LRP3: variants seen among roughly 807,000 people sequenced by gnomAD.
LRP3 encodes low-density lipoprotein receptor-related protein 3.
LRP3 carries 49 observed loss-of-function variants against 58.5 expected under a neutral mutation model. That is an observed-to-expected ratio of 0.84 (90% CI 0.67 to 1.06). LRP3 has a LOEUF of 1.06. Among genes scored for constraint, LRP3 ranks in the 50% least tolerant of loss-of-function variants. LRP3 has a pLI of 0.00. For synonymous variants in LRP3, 485 were observed against 492.2 expected, an observed-to-expected ratio of 0.99 and a Z score of 0.20; for missense variants, 1,019 against 1,134.2, an observed-to-expected ratio of 0.90 and a Z score of 1.46.
At chr19:33,200,078 G>A (rs975272745) in intron 2 of LRP3, among the ~76,000 whole-genome samples, 2 of 152,194 alleles carry the variant, frequency 1.3e-5, no homozygotes, top group Admixed American at 6.5e-5. Flanking sequence ...TCCCAGCCAC[G>A]CTGACTCAGA....
At chr19:33,201,976 C>T (rs574226532) in intron 2 of LRP3, among the ~76,000 whole-genome samples, 18 of 152,286 alleles carry the variant, frequency 1.2e-4, no homozygotes, top group African/African-American at 4.3e-4. Flanking sequence ...GAGCGGTATA[C>T]AGTTGGCACT....
In LRP3 at chr19:33,207,606, C is replaced by T; in HGVS notation, c.*31C>T. The T allele has an allele frequency of 6.7e-7, 1 of 1,483,980 alleles. No homozygotes were observed. The highest frequency in any genetic ancestry group is 9.3e-7 in the Non-Finnish European group (1 of 1,076,678). The allele number at this position is 1,483,980 out of a possible 1,614,324, so 91.9% of individuals were successfully genotyped here. The stretch of plus-strand genomic sequence containing the variant: ...GGGCTCGCTGGTGACCGCCACAGCC[C>T]CGCTTTGTAACCAGGGAATACACAG... On this transcript the variant is annotated 3_prime_UTR_variant, in exon 7 of 7. Transcript: ENST00000253193.
chr19:33,203,335 T>TGC (rs1974363893), intron 3 of LRP3, among the ~76,000 whole-genome samples: 1 of 152,014 alleles, frequency 6.6e-6, no homozygotes, highest in Non-Finnish European at 1.5e-5. Flanking sequence ...TGTGTGTGTG[T>TGC]GCATGTATGT....
intron 1 of LRP3, 91 bp from the exon 2 acceptor site, chr19:33,196,639 C>G: frequency 8.3e-7 from 1 of 1,203,136 alleles, no homozygotes. Context: ...AGCGGGCCAG[C>G]CTTGGGTTTA....
At chr19:33,200,445 G>C (rs1408137591) in intron 2 of LRP3, among the ~76,000 whole-genome samples, 1 of 152,240 alleles carries the variant, frequency 6.6e-6, no homozygotes, top group South Asian at 2.1e-4. Flanking sequence ...TGGTCAGGCT[G>C]ATCTCAAACT....
Position 33,205,483 on chromosome 19 carries a change from A to G in LRP3, c.713A>G (p.Gln238Arg). The G allele has an allele frequency of 6.3e-7, 1 of 1,582,810 alleles. No homozygotes were observed. The change falls in exon 5 of 7, where the codon CAG (glutamine) becomes CGG (arginine). Residue 238 changes from glutamine (Q) to arginine (R), a missense_variant. By Grantham distance (43) the Gln-to-Arg change is conservative. Around this residue, in one of 2 missense-constraint regions of LRP3, gnomAD observed 592 missense variants for 725.5 expected, o/e 0.82. Transcript: ENST00000253193. Reference sequence around the variant, plus strand: ...GTGGAGCGGCGCTGTGACGGCTTGCAGGACTGCGGCGACGGCTCGGATGAG... The same window carrying G: ...GTGGAGCGGCGCTGTGACGGCTTGCGGGACTGCGGCGACGGCTCGGATGAG... ...LPVERRCDGL[Q>R]DCGDGSDEAG...
Position 33,206,310 on chromosome 19 carries a change from A to G in LRP3, c.1540A>G (p.Ile514Val), listed in dbSNP as rs1411360075. ...GSLVCGLLLV[I>V]ALGCAFKLYS... ...CCTGGTGTGTGGCCTGCTGCTGGTC[A>G]TCGCGCTGGGCTGCGCCTTCAAGCT... Residue 514 changes from isoleucine (I) to valine (V), a missense_variant, in exon 5 of 7, where the codon ATC (isoleucine) becomes GTC (valine). Ile to Val is a conservative substitution (Grantham distance 29, BLOSUM62 3). Around this residue, in one of 2 missense-constraint regions of LRP3, gnomAD observed 427 missense variants for 408.6 expected, o/e 1.04. Transcript: ENST00000253193. 2 of 1,598,552 alleles carry G rather than the reference A, an allele frequency of 1.3e-6. No individual in the cohort carries two copies. The highest frequency in any genetic ancestry group is 1.1e-5 in the South Asian group (1 of 90,570).
intron 2 of LRP3, among the ~76,000 whole-genome samples, chr19:33,199,982 C>T (rs917406715): frequency 9.8e-5 from 15 of 152,312 alleles, no homozygotes; most frequent in African/African-American, 3.6e-4. Context: ...GAATGGACAG[C>T]GCCTTGCCCT....
intron 2 of LRP3, among the ~76,000 whole-genome samples, chr19:33,197,240 A>G (rs1292115444): frequency 6.6e-6 from 1 of 152,162 alleles, no homozygotes; most frequent in Non-Finnish European, 1.5e-5. Context: ...ATGCCACGCC[A>G]TGCAGGGCCA....
In LRP3 at chr19:33,207,248, G is replaced by A. The variant is rs533741820; in HGVS notation, c.1986G>A (p.Ala662=). 1.8e-5 allele frequency: 28 copies of A among 1,555,250 alleles called. No individual in the cohort carries two copies. In the African/African-American group the frequency reaches 1.9e-4, roughly 10 times the overall value. ...APLMDTGSTR[A]AGDRPPSAPG... ...TCATGGACACAGGCAGCACCAGGGC[G>A]GCCGGAGACAGGCCCCCCAGTGCCC... is the stretch of plus-strand genomic sequence containing the variant. The change falls in exon 7 of 7, where the codon GCG becomes GCA. Residue 662 remains alanine, a synonymous_variant. Coordinates refer to ENST00000253193, the MANE Select transcript of LRP3 (RefSeq NM_002333.4).
rs768884022 is a variant in LRP3 at position 33,205,296 on chromosome 19, G to A, written c.526G>A (p.Gly176Ser). 6.2e-6 allele frequency: 10 copies of A among 1,611,222 alleles called. No homozygotes were observed. The highest frequency in any genetic ancestry group is 1.7e-5 in the Admixed American group (1 of 59,782). ...GGCAGATGAGTTCCGCTGTGACAAC[G>A]GCAAGTGCCTGCCCGGCCCGTGGCA... is the stretch of plus-strand genomic sequence containing the variant. The part of the protein sequence containing the change: ...CQADEFRCDN[G>S]KCLPGPWQCN... Residue 176 changes from glycine (G) to serine (S), a missense_variant, in exon 5 of 7, where the codon GGC becomes AGC. Transcript: ENST00000253193.
chr19:33,206,186 G>C lies in LRP3; in HGVS notation c.1416G>C (p.Trp472Cys). 1 of 1,595,176 alleles carries C rather than the reference G, an allele frequency of 6.3e-7. No homozygotes were observed. The highest frequency in any genetic ancestry group is 8.5e-7 in the Non-Finnish European group (1 of 1,170,486). ...CGTNLCIFET[W>C]RCDGQEDCQD... ...CCAACCTGTGCATCTTCGAGACGTG[G>C]CGCTGTGACGGCCAGGAAGACTGCC... The change falls in exon 5 of 7, where the codon TGG becomes TGC. Residue 472 changes from tryptophan (W) to cysteine (C), a missense_variant. Trp to Cys is a radical substitution (Grantham distance 215, BLOSUM62 -2). Coordinates refer to ENST00000253193, the MANE Select transcript of LRP3 (RefSeq NM_002333.4).
chr19:33,195,392 G>C (rs1974275434), intron 1 of LRP3, among the ~76,000 whole-genome samples: 1 of 152,152 alleles, frequency 6.6e-6, no homozygotes, highest in African/African-American at 2.4e-5. Context: ...GTTTAGGAGG[G>C]TGCTTGGGTT....
At position 33,207,426 on chromosome 19, in the gene LRP3, T is replaced by C; in HGVS notation, c.2164T>C (p.Ser722Pro). ...APADAPREPCSAQDPHPQVST... is the reference protein window; with the variant it reads ...APADAPREPCPAQDPHPQVST... ...TGCAGATGCACCTCGGGAGCCCTGC[T>C]CAGCCCAGGACCCGCACCCCCAGGT... The change falls in exon 7 of 7, where the codon TCA (serine) becomes CCA (proline). Residue 722 changes from serine (S) to proline (P), a missense_variant. Ser to Pro is a moderately conservative substitution (Grantham distance 74, BLOSUM62 -1). Around this residue, in one of 2 missense-constraint regions of LRP3, gnomAD observed 427 missense variants for 408.6 expected, o/e 1.04. Transcript: ENST00000253193. The C allele has an allele frequency of 6.3e-7, 1 of 1,594,014 alleles. No homozygotes were observed. Among genetic ancestry groups the C allele is most frequent in the Non-Finnish European group, 8.5e-7 (1 of 1,175,038 alleles).
Position 33,194,443 on chromosome 19 carries a change from G to A in LRP3, c.-343G>A, listed in dbSNP as rs1417980115. The A allele has an allele frequency of 6.9e-6, 1 of 144,670 alleles. No individual in the cohort carries two copies. Among genetic ancestry groups the A allele is most frequent in the Non-Finnish European group, 1.5e-5 (1 of 65,260 alleles). The allele number at this position is 144,670 out of a possible 1,614,324, so 9.0% of individuals were successfully genotyped here. A position where few individuals can be genotyped will look rare whatever the true frequency, so the allele number is the denominator to read the frequency against. On this transcript the variant is annotated 5_prime_UTR_variant, in exon 1 of 7. Coordinates refer to ENST00000253193, the MANE Select transcript of LRP3 (RefSeq NM_002333.4). The stretch of plus-strand genomic sequence containing the variant: ...GCTGCGCGCCGCGGGGCATGGGCGC[G>A]CCGGGGGTCCCCGGGCCCAGGCCGG...
Position 33,196,754 on chromosome 19 carries a change from T to A in LRP3, c.98T>A (p.Leu33His). The A allele has an allele frequency of 6.2e-7, 1 of 1,614,172 alleles. No homozygotes were observed. The highest frequency in any genetic ancestry group is 8.5e-7 in the Non-Finnish European group (1 of 1,179,998). Reference sequence around the variant, plus strand: ...GTGAACATCTTTCTCACCGGGAGACTCAGCAGTGCGGTTCCTGCCTTAGGT... The same window carrying A: ...GTGAACATCTTTCTCACCGGGAGACACAGCAGTGCGGTTCCTGCCTTAGGT... ...CLVNIFLTGR[L>H]SSAVPALAAC... is the part of the protein sequence containing the mutation. The change falls in exon 2 of 7, where the codon CTC becomes CAC. Residue 33 changes from leucine to histidine, a missense_variant. Leu to His is a moderately conservative substitution (Grantham distance 99, BLOSUM62 -3). Around this residue, in one of 2 missense-constraint regions of LRP3, gnomAD observed 592 missense variants for 725.5 expected, o/e 0.82. Transcript: ENST00000253193.
chr19:33,198,311 G>C (rs947552394), intron 2 of LRP3, among the ~76,000 whole-genome samples: 1 of 152,166 alleles, frequency 6.6e-6, no homozygotes, highest in Non-Finnish European at 1.5e-5. Context: ...GCCCCAGCAG[G>C]GTCCACGTTG....
chr19:33,207,587 G>C lies in LRP3; in HGVS notation c.*12G>C. 6.4e-7 allele frequency: 1 copy of C among 1,565,188 alleles called. No individual in the cohort carries two copies. The highest frequency in any genetic ancestry group is 8.7e-7 in the Non-Finnish European group (1 of 1,147,368). On this transcript the variant is annotated 3_prime_UTR_variant, in exon 7 of 7. Coordinates refer to ENST00000253193, the MANE Select transcript of LRP3 (RefSeq NM_002333.4). ...TGTTGGTCTGTTGACCGCTGGGCTC[G>C]CTGGTGACCGCCACAGCCCCGCTTT...
rs761069766 is a variant in LRP3 at position 33,206,079 on chromosome 19, T to C, written c.1309T>C (p.Cys437Arg). 1.2e-5 allele frequency: 19 copies of C among 1,608,582 alleles called. No homozygotes were observed. The highest frequency in any genetic ancestry group is 1.4e-5 in the Non-Finnish European group (16 of 1,178,460). ...SGLCYTPADR[C>R]NNQKSCPDGA... is the part of the protein sequence containing the mutation. ...TCTGTGCTACACGCCTGCCGACCGC[T>C]GCAACAACCAGAAAAGCTGTCCCGA... The change falls in exon 5 of 7, where the codon TGC becomes CGC. Residue 437 changes from cysteine to arginine, a missense_variant. Around this residue, in one of 2 missense-constraint regions of LRP3, gnomAD observed 592 missense variants for 725.5 expected, o/e 0.82. Transcript: ENST00000253193.
Sources: allele counts gnomAD v4.1 joint callset (sites outside exome capture counted in the v4.1 genomes callset), GRCh38; gene constraint gnomAD v4.1.1; regional missense constraint gnomAD v4.1.1; transcripts MANE v1.5; gene names NCBI Gene and HGNC (gene_info 2026-07-23, HGNC 2026-07-21).